The following ALPK3 variants were observed in gnomAD, a reference collection of about 807,000 sequenced individuals.
ALPK3 encodes the protein alpha-protein kinase 3.
Under a neutral mutation model 140.0 loss-of-function variants are expected in ALPK3, and 102 were observed. The ratio of observed to expected loss-of-function variants is 0.73; its 90% CI spans 0.62 to 0.86. The LOEUF is 0.86. ALPK3 is among the 40% of genes least tolerant of loss of function. ALPK3 has a pLI of 0.00. For missense variants in ALPK3, 2,254 were observed against 2,208.2 expected (o/e 1.02, Z -0.42); for synonymous variants, 938 against 898.5 (o/e 1.04, Z -0.79).
chr15:84,840,497 C>G lies in ALPK3; in HGVS notation c.1218C>G (p.Gly406=). 1 of 1,613,084 alleles carries G rather than the reference C, an allele frequency of 6.2e-7. No individual in the cohort carries two copies. Among genetic ancestry groups the G allele is most frequent in the Non-Finnish European group, 8.5e-7 (1 of 1,179,728 alleles). The change falls in exon 5 of 14, where the codon GGC becomes GGG. Residue 406 remains glycine, a synonymous_variant. Transcript: ENST00000258888. ...AGGCCCAGAAGGCCCCTGGCCCAGGCCCAGGCCAGGAAGTGTATTTCTCCT... is the reference window on the plus strand; with the variant it reads ...AGGCCCAGAAGGCCCCTGGCCCAGGGCCAGGCCAGGAAGTGTATTTCTCCT... The part of the protein sequence containing the change: ...PDKAQKAPGP[G]PGQEVYFSLK...
At chr15:84,835,140 G>A (rs1963585592) in intron 3 of ALPK3, among the ~76,000 whole-genome samples, 1 of 152,226 alleles carries the variant, frequency 6.6e-6, no homozygotes, top group African/African-American at 2.4e-5. Context: ...GCTGTGCTGG[G>A]CAGGTCATGG....
Position 84,858,565 on chromosome 15 carries a change from G to A in ALPK3, c.3817+10G>A. On this transcript the variant is annotated intron_variant, in intron 6 of 13. Transcript: ENST00000258888. Reference sequence around the variant, plus strand: ...AAAGACCTGCTGAAAGGTGAGCAGTGGGGAGGGAGAGGGATGGCTTCACAG... The same window carrying A: ...AAAGACCTGCTGAAAGGTGAGCAGTAGGGAGGGAGAGGGATGGCTTCACAG... 6.4e-7 allele frequency: 1 copy of A among 1,569,436 alleles called. No individual in the cohort carries two copies. The highest frequency in any genetic ancestry group is 8.6e-7 in the Non-Finnish European group (1 of 1,166,186).
chr15:84,857,733 C>A lies in ALPK3; in HGVS notation c.2995C>A (p.Pro999Thr). 6.2e-7 allele frequency: 1 copy of A among 1,613,448 alleles called. No individual in the cohort carries two copies. The highest frequency in any genetic ancestry group is 8.5e-7 in the Non-Finnish European group (1 of 1,179,652). Residue 999 changes from proline to threonine, a missense_variant, in exon 6 of 14, where the codon CCC (proline) becomes ACC (threonine). Transcript: ENST00000258888. The stretch of plus-strand genomic sequence containing the variant: ...TCTGGTGCCCTCAGCCACTCTGACA[C>A]CCACTGTGGAAGTGGCTGGGCTTAG... ...GGLVPSATLT[P>T]TVEVAGLSPR...
Position 84,867,108 on chromosome 15 carries a change from CTGG to C in ALPK3, c.4724-203_4724-201del, listed in dbSNP as rs148614333. On this transcript the variant is annotated intron_variant, in intron 12 of 13. Transcript: ENST00000258888. The stretch of plus-strand genomic sequence containing the variant: ...AGAGACCTGCATGCTGTGAGACAGG[CTGG>C]TGGTGATGACCCATGAGAAGATGCT... 4.8e-3 allele frequency among the ~76,000 whole-genome samples: 728 copies of C among 152,004 alleles called. 11 individuals are homozygous for C. The highest frequency in any genetic ancestry group is 0.015 in the African/African-American group (642 of 41,508).
Position 84,859,319 on chromosome 15 carries a change from T to C in ALPK3, c.3894T>C (p.Phe1298=). The part of the protein sequence containing the change: ...ASGSLKLWCQ[F]FNILSDSVLT... The stretch of plus-strand genomic sequence containing the variant: ...GTAGCCTGAAGCTGTGGTGCCAGTT[T>C]TTCAACATTCTTAGTGACTCAGTCT... Residue 1298 remains phenylalanine (F), a synonymous_variant, in exon 7 of 14, where the codon TTT becomes TTC. Transcript: ENST00000258888. 1 of 1,614,122 alleles carries C rather than the reference T, an allele frequency of 6.2e-7. No individual in the cohort carries two copies. The highest frequency in any genetic ancestry group is 8.5e-7 in the Non-Finnish European group (1 of 1,180,000).
At chr15:84,851,678 A>G (rs751950310) in intron 5 of ALPK3, among the ~76,000 whole-genome samples, 1 of 151,992 alleles carries the variant, frequency 6.6e-6, no homozygotes, top group African/African-American at 2.4e-5. Context: ...TATACTTTCT[A>G]TCCTTTACCT....
chr15:84,859,960 A>G, intron 8 of ALPK3, 57 bp downstream of exon 8: 1 of 1,613,886 alleles, frequency 6.2e-7, no homozygotes, highest in Non-Finnish European at 8.5e-7. Context: ...GTGGGTGGGC[A>G]GCAGTCATCT....
rs1459767585 is a variant in ALPK3, at chr15:84,839,860, G to A, written c.581G>A (p.Arg194His). 3 of 1,613,994 alleles carry A rather than the reference G, an allele frequency of 1.9e-6. No homozygotes were observed. The highest frequency in any genetic ancestry group is 2.5e-6 in the Non-Finnish European group (3 of 1,180,044). Residue 194 changes from arginine to histidine, a missense_variant, in exon 5 of 14, where the codon CGC becomes CAC. Transcript: ENST00000258888. ...AAGCGCAAGGCTGCGGCAAAGCTGC[G>A]CGAGATCGAGCAGAGCTGGAAGCAC... ...KLKRKAAAKL[R>H]EIEQSWKHEK...
At chr15:84,862,132 G>A (rs9944211) in intron 9 of ALPK3, among the ~76,000 whole-genome samples, 3,065 of 152,178 alleles carry the variant, frequency 0.02, 103 homozygotes, top group African/African-American at 0.068. Flanking sequence ...CCTTTAATGG[G>A]AAATTATATT....
chr15:84,866,767 T>C (rs1395650257), intron 12 of ALPK3, among the ~76,000 whole-genome samples: 2 of 152,210 alleles, frequency 1.3e-5, no homozygotes, highest in South Asian at 2.1e-4. Flanking sequence ...ACCCCTGATT[T>C]ATCCTCTCAT....
Position 84,840,430 on chromosome 15 carries a change from A to C in ALPK3, c.1151A>C (p.Asp384Ala). 6.2e-7 allele frequency: 1 copy of C among 1,613,824 alleles called. No individual in the cohort carries two copies. Among genetic ancestry groups the C allele is most frequent in the Non-Finnish European group, 8.5e-7 (1 of 1,179,888 alleles). ...AARGPGSSGT[D>A]STRKPASAVG... is the part of the protein sequence containing the mutation. Reference sequence around the variant, plus strand: ...CGGGGGCCTGGGTCCTCTGGCACAGATAGTACCAGGAAGCCAGCCTCTGCT... The same window carrying C: ...CGGGGGCCTGGGTCCTCTGGCACAGCTAGTACCAGGAAGCCAGCCTCTGCT... Residue 384 changes from aspartate to alanine, a missense_variant, in exon 5 of 14, where the codon GAT becomes GCT. Asp to Ala is a moderately radical substitution (Grantham distance 126). Coordinates refer to ENST00000258888, the MANE Select transcript of ALPK3 (RefSeq NM_020778.5).
intron 3 of ALPK3, among the ~76,000 whole-genome samples, chr15:84,835,178 G>A (rs1963586161): frequency 6.6e-6 from 1 of 152,232 alleles, no homozygotes; most frequent in Non-Finnish European, 1.5e-5. Context: ...CTGGGTCCTT[G>A]TAGGGATGAG....
rs145688386 is a variant in ALPK3 at position 84,842,050 on chromosome 15, G to GT, written c.1653+1124dup. On this transcript the variant is annotated intron_variant, in intron 5 of 13. Transcript: ENST00000258888. ...CTTTGGTTTGTTTATTTGTTTGTTT[G>GT]TTTTTTGAGATGGAGTTGCCCAGGC... Among the ~76,000 whole-genome samples the GT allele has an allele frequency of 4.0e-3, 613 of 152,224 alleles. 6 individuals carry two copies. The highest frequency in any genetic ancestry group is 6.8e-3 in the Middle Eastern group (2 of 294).
rs1964088182 is a variant in ALPK3, at chr15:84,872,704, C to A, written c.*4248C>A. The A allele has an allele frequency of 6.6e-6, 1 of 152,234 alleles. No individual in the cohort carries two copies. The highest frequency in any genetic ancestry group is 1.5e-5 in the Non-Finnish European group (1 of 68,052). The allele number at this position is 152,234 out of a possible 1,614,324, so 9.4% of individuals were successfully genotyped here. A position where few individuals can be genotyped will look rare whatever the true frequency, so the allele number is the denominator to read the frequency against. On this transcript the variant is annotated 3_prime_UTR_variant, in exon 14 of 14. Transcript: ENST00000258888. ...ACATGATTTATCTCCCACTCTGATT[C>A]ACATATGTTTGACCAAGGCACTGGG...
At position 84,868,783 on chromosome 15, in the gene ALPK3, A is replaced by G. The variant is rs533590924; in HGVS notation, c.*327A>G. 1.4e-5 allele frequency: 5 copies of G among 359,348 alleles called. No homozygotes were observed. In the East Asian group the frequency reaches 2.8e-4, roughly 20 times the overall value. The allele number at this position is 359,348 out of a possible 1,614,324, so 22.3% of individuals were successfully genotyped here. A position where few individuals can be genotyped will look rare whatever the true frequency, so the allele number is the denominator to read the frequency against. On this transcript the variant is annotated 3_prime_UTR_variant, in exon 14 of 14. Coordinates refer to ENST00000258888, the MANE Select transcript of ALPK3 (RefSeq NM_020778.5). ...CTGGAGGCTCCCCTGAGTCCTCTGC[A>G]TGAGTTCTGCACCCCAAGCCCTTGC...
At chr15:84,851,284 G>A (rs1274801692) in intron 5 of ALPK3, among the ~76,000 whole-genome samples, 1 of 152,122 alleles carries the variant, frequency 6.6e-6, no homozygotes, top group Non-Finnish European at 1.5e-5. Context: ...ACATAAAAGA[G>A]TTACTAAATA....
rs930653606 is a variant in ALPK3 at position 84,872,337 on chromosome 15, A to G, written c.*3881A>G. 2.6e-5 allele frequency: 4 copies of G among 152,206 alleles called. No homozygotes were observed. The highest frequency in any genetic ancestry group is 7.2e-5 in the African/African-American group (3 of 41,448). 9.4% of individuals were successfully genotyped at this position (152,206 alleles called of 1,614,324 possible). A position where few individuals can be genotyped will look rare whatever the true frequency, so the allele number is the denominator to read the frequency against. Reference sequence around the variant, plus strand: ...TTCTTGTCAGGACTTACCGCAAGCTATGTATGGCTCCGCGGTATGCCACCC... The same window carrying G: ...TTCTTGTCAGGACTTACCGCAAGCTGTGTATGGCTCCGCGGTATGCCACCC... On this transcript the variant is annotated 3_prime_UTR_variant, in exon 14 of 14. Transcript: ENST00000258888.
chr15:84,835,201 G>A (rs901506723), intron 3 of ALPK3, among the ~76,000 whole-genome samples: 3 of 152,238 alleles, frequency 2.0e-5, no homozygotes, highest in Admixed American at 1.3e-4. Flanking sequence ...CATCTCACAG[G>A]ATGGTGAGGA....
chr15:84,827,577 C>T lies in ALPK3; in HGVS notation c.276C>T (p.Ser92=), dbSNP rs778957791. 23 of 1,614,016 alleles carry T rather than the reference C, an allele frequency of 1.4e-5. No individual in the cohort carries two copies. The highest frequency in any genetic ancestry group is 1.0e-4 in the Admixed American group (6 of 60,002). The part of the protein sequence containing the change: ...TLKSRSVSED[S]DVRFTCIVTG... Reference sequence around the variant, plus strand: ...AGTCCCGGTCTGTGTCCGAGGACAGCGACGTCAGGTTCACCTGCATCGTCA... The same window carrying T: ...AGTCCCGGTCTGTGTCCGAGGACAGTGACGTCAGGTTCACCTGCATCGTCA... The change falls in exon 3 of 14, where the codon AGC becomes AGT. Residue 92 remains serine (S), a synonymous_variant. Coordinates refer to ENST00000258888, the MANE Select transcript of ALPK3 (RefSeq NM_020778.5).
Sources: gnomAD v4.1 joint callset for allele counts (sites outside exome capture counted in the v4.1 genomes callset) on GRCh38, gnomAD v4.1.1 for gene constraint, MANE v1.5 for transcripts, NCBI Gene and HGNC (gene_info 2026-07-23, HGNC 2026-07-21) for gene names.